Variants in LUZP2 observed in about 807,000 individuals in gnomAD.
The protein encoded by LUZP2 is leucine zipper protein 2.
Under a neutral mutation model 51.6 loss-of-function variants are expected in LUZP2, and 52 were observed. The ratio of observed to expected loss-of-function variants is 1.01; its 90% CI spans 0.81 to 1.27. LUZP2 has a LOEUF of 1.27. Among genes scored for constraint, LUZP2 ranks in the 50% most tolerant of loss-of-function variants. LUZP2 has a pLI of 0.00. For synonymous variants in LUZP2, 154 were observed against 137.3 expected, an observed-to-expected ratio of 1.12 and a Z score of -0.85; for missense variants, 436 against 395.4, an observed-to-expected ratio of 1.10 and a Z score of -0.87.
At chr11:24,615,668 A>G (rs538658291) in intron 1 of LUZP2, among the ~76,000 whole-genome samples, 5 of 151,984 alleles carry the variant, frequency 3.3e-5, no homozygotes, top group Non-Finnish European at 5.9e-5. Flanking sequence ...ATGCCCAGGA[A>G]TATGTAATTG....
intron 9 of LUZP2, among the ~76,000 whole-genome samples, chr11:25,001,091 A>T (rs1043079083): frequency 1.3e-5 from 2 of 152,158 alleles, no homozygotes; most frequent in African/African-American, 4.8e-5. Flanking sequence ...AGTTAGGATA[A>T]TATATGTTTA....
intron 5 of LUZP2, among the ~76,000 whole-genome samples, chr11:24,836,687 C>G (rs1850869264): frequency 6.6e-6 from 1 of 151,702 alleles, no homozygotes; most frequent in East Asian, 1.9e-4. Flanking sequence ...TTGTAATCTT[C>G]AAAAATATCA....
intron 1 of LUZP2, among the ~76,000 whole-genome samples, chr11:24,566,397 C>T (rs576949850): frequency 2.6e-4 from 38 of 144,602 alleles, no homozygotes; most frequent in African/African-American, 6.4e-4. Flanking sequence ...TGGCGTGATA[C>T]GGCTTACCAC....
intron 9 of LUZP2, among the ~76,000 whole-genome samples, chr11:24,990,068 T>C (rs978989862): frequency 1.3e-5 from 2 of 152,126 alleles, no homozygotes; most frequent in Non-Finnish European, 2.9e-5. Flanking sequence ...ATATGGGGTC[T>C]ATGCCCCCTT....
chr11:24,572,081 A>T (rs964457853), intron 1 of LUZP2, among the ~76,000 whole-genome samples: 2 of 151,978 alleles, frequency 1.3e-5, no homozygotes, highest in African/African-American at 4.8e-5. Context: ...ATAAAAAACT[A>T]CAACCAAGAG....
At chr11:24,796,200 G>A (rs1172642398) in intron 5 of LUZP2, among the ~76,000 whole-genome samples, 1 of 151,926 alleles carries the variant, frequency 6.6e-6, no homozygotes, top group Non-Finnish European at 1.5e-5. Context: ...ATTGCTCTGG[G>A]GCTTTCAAGA....
intron 5 of LUZP2, among the ~76,000 whole-genome samples, chr11:24,897,327 T>C (rs1261871638): frequency 6.6e-6 from 1 of 152,204 alleles, no homozygotes; most frequent in Non-Finnish European, 1.5e-5. Context: ...AACCCGCCTC[T>C]GTGGAAGCTT....
At chr11:24,680,635 GA>G (rs2133867894) in intron 1 of LUZP2, among the ~76,000 whole-genome samples, 1 of 152,262 alleles carries the variant, frequency 6.6e-6, no homozygotes, top group African/African-American at 2.4e-5. Flanking sequence ...TAATTAGCAG[GA>G]AAAATTTTGG....
chr11:25,013,797 G>A (rs1003427190), intron 9 of LUZP2, among the ~76,000 whole-genome samples: 2 of 151,452 alleles, frequency 1.3e-5, no homozygotes, highest in Non-Finnish European at 2.9e-5. Context: ...TGTGCACATG[G>A]TGCAGGTTTG....
rs893777496 is a variant in LUZP2 at position 24,711,266 on chromosome 11, G to A, written c.63-17903G>A. Among the ~76,000 whole-genome samples, 131 of 136,730 alleles carry A rather than the reference G, an allele frequency of 9.6e-4. 3 individuals carry two copies. Among genetic ancestry groups the A allele is most frequent in the South Asian group, 7.8e-3 (34 of 4,384 alleles). The allele number at this position is 136,730 out of a possible 152,430, so 89.7% of individuals were successfully genotyped here. ...AGATCGAGACCATCCTGGCTAACAC[G>A]GTGAAACCCCCGTCTCTACTAAAAA... On this transcript the variant is annotated intron_variant, in intron 1 of 11. Transcript: ENST00000336930.
chr11:24,904,789 A>G (rs1326524827), intron 5 of LUZP2, among the ~76,000 whole-genome samples: 1 of 152,158 alleles, frequency 6.6e-6, no homozygotes, highest in East Asian at 1.9e-4. Flanking sequence ...GACTATAAAT[A>G]AACTAAATTA....
At chr11:24,646,581 A>G (rs2133954536) in intron 1 of LUZP2, 1 of 985,038 alleles carries the variant, frequency 1.0e-6, no homozygotes, top group East Asian at 1.1e-4. Flanking sequence ...CCATATCCAT[A>G]TTCAAGGAAG....
intron 1 of LUZP2, among the ~76,000 whole-genome samples, chr11:24,725,590 G>A (rs986816390): frequency 6.6e-6 from 1 of 151,730 alleles, no homozygotes; most frequent in Middle Eastern, 3.2e-3. Flanking sequence ...TTATTTAAAA[G>A]AAATTGGAGA....
intron 6 of LUZP2, among the ~76,000 whole-genome samples, chr11:24,909,585 G>A (rs1853563294): frequency 6.6e-6 from 1 of 152,060 alleles, no homozygotes; most frequent in Admixed American, 6.5e-5. Context: ...GGAAAAGCAG[G>A]GAGAAAATGC....
intron 1 of LUZP2, among the ~76,000 whole-genome samples, chr11:24,660,131 G>A (rs187047925): frequency 2.2e-3 from 329 of 152,252 alleles, no homozygotes; most frequent in Non-Finnish European, 3.7e-3. Context: ...ACAACTGCAA[G>A]AAGGTGAATC....
At chr11:24,860,728 AAGAC>A (rs1417301249) in intron 5 of LUZP2, among the ~76,000 whole-genome samples, 2 of 152,160 alleles carry the variant, frequency 1.3e-5, no homozygotes, top group Non-Finnish European at 2.9e-5. Context: ...TATTGAAAGA[AAGAC>A]AAACAGGCAG....
In LUZP2 at chr11:24,769,786, C is replaced by CTCTTTTTTTT. The variant is rs764723270; in HGVS notation, c.396+6479_396+6480insCTTTTTTTTT. Among the ~76,000 whole-genome samples the CTCTTTTTTTT allele has an allele frequency of 5.7e-3, 831 of 146,586 alleles. 3 individuals are homozygous for CTCTTTTTTTT. Among genetic ancestry groups the CTCTTTTTTTT allele is most frequent in the Non-Finnish European group, 9.7e-3 (652 of 67,258 alleles). On this transcript the variant is annotated intron_variant, in intron 5 of 11. Coordinates refer to ENST00000336930, the MANE Select transcript of LUZP2 (RefSeq NM_001009909.4). ...GAAATAGGGAATCACACTAAATTCT[C>CTCTTTTTTTT]TTTTTTGTTTGTTTGTTTTGTTTTG...
At chr11:24,717,297 T>TA (rs1157755588) in intron 1 of LUZP2, among the ~76,000 whole-genome samples, 1 of 151,398 alleles carries the variant, frequency 6.6e-6, no homozygotes, top group African/African-American at 2.5e-5. Context: ...TTTCTTATTT[T>TA]AAAAAACTTT....
intron 5 of LUZP2, among the ~76,000 whole-genome samples, chr11:24,883,736 A>G (rs1329344333): frequency 6.6e-6 from 1 of 152,042 alleles, no homozygotes; most frequent in Non-Finnish European, 1.5e-5. Context: ...TGAATGAAAC[A>G]GTTTTTAAAG....
Sources: gnomAD v4.1 joint callset for allele counts (sites outside exome capture counted in the v4.1 genomes callset) on GRCh38, gnomAD v4.1.1 for gene constraint, MANE v1.5 for transcripts, NCBI Gene and HGNC (gene_info 2026-07-23, HGNC 2026-07-21) for gene names.